Variants in TMEM209 observed in about 807,000 individuals in gnomAD.
The protein encoded by TMEM209 is testicular tissue protein Li 202.
TMEM209 carries 65 observed loss-of-function variants against 76.2 expected under a neutral mutation model. The ratio of observed to expected loss-of-function variants is 0.85; its 90% CI spans 0.70 to 1.05. The LOEUF (loss-of-function observed/expected upper bound fraction) is 1.05. Among genes scored for constraint, TMEM209 ranks in the 50% least tolerant of loss-of-function variants. The pLI, the probability that TMEM209 is intolerant of heterozygous loss-of-function variation, is 0.00. For synonymous variants in TMEM209, 239 were observed against 237.6 expected (o/e 1.01, Z -0.06); for missense variants, 623 against 685.5 (o/e 0.91, Z 1.02).
chr7:130,182,957 A>G (rs6467287), intron 8 of TMEM209, among the ~76,000 whole-genome samples: 92,492 of 151,948 alleles, frequency 0.61, 29,176 homozygotes, highest in African/African-American at 0.78. Context: ...TTGATTACTG[A>G]GTGTTAACTA....
At chr7:130,186,793 CCACCACCACAA>C (rs1797613792) in intron 6 of TMEM209, among the ~76,000 whole-genome samples, 1 of 152,008 alleles carries the variant, frequency 6.6e-6, no homozygotes, top group Non-Finnish European at 1.5e-5. Context: ...ACCACCACCA[CCACCACCACAA>C]CAACAGCACA....
intron 10 of TMEM209, among the ~76,000 whole-genome samples, chr7:130,176,620 T>C (rs1226719433): frequency 6.6e-6 from 1 of 151,990 alleles, no homozygotes; most frequent in East Asian, 1.9e-4. Flanking sequence ...AGGGATGCAT[T>C]CAGCAAAACC....
intron 6 of TMEM209, chr7:130,192,374 G>T: frequency 2.3e-6 from 1 of 443,390 alleles, no homozygotes; most frequent in East Asian, 4.3e-5. Context: ...AATAGAAATT[G>T]TAACTTACAT....
rs758361283 is a variant in TMEM209 at position 130,202,042 on chromosome 7, G to C, written c.381C>G (p.Pro127=). Residue 127 remains proline (P), a synonymous_variant, in exon 5 of 15, where the codon CCC becomes CCG. Coordinates refer to ENST00000397622, the MANE Select transcript of TMEM209 (RefSeq NM_032842.4). ...CCTGAATTGAAGGGGAAGGTGGAGCGGGAGGGATTTGGGTTGCTGCCAGAT... is the reference window on the plus strand; with the variant it reads ...CCTGAATTGAAGGGGAAGGTGGAGCCGGAGGGATTTGGGTTGCTGCCAGAT... ...PHDLAATQIP[P]APPSPSIQGQ... 6.2e-7 allele frequency: 1 copy of C among 1,613,900 alleles called. No individual in the cohort carries two copies. The highest frequency in any genetic ancestry group is 8.5e-7 in the Non-Finnish European group (1 of 1,179,890).
rs536176063 is a variant in TMEM209 at position 130,166,407 on chromosome 7, G to C, written c.*44C>G. On this transcript the variant is annotated 3_prime_UTR_variant, in exon 15 of 15. Coordinates refer to ENST00000397622, the MANE Select transcript of TMEM209 (RefSeq NM_032842.4). ...CAGAGATGTTTAGTTTCGACTTCTG[G>C]TTCAGTGAAATAGTCTAAATGTCAG... is the stretch of plus-strand genomic sequence containing the variant. The C allele has an allele frequency of 6.7e-7, 1 of 1,489,632 alleles. No individual in the cohort carries two copies. The highest frequency in any genetic ancestry group is 2.5e-5 in the East Asian group (1 of 39,742). The allele number at this position is 1,489,632 out of a possible 1,614,324, so 92.3% of individuals were successfully genotyped here. A position where few individuals can be genotyped will look rare whatever the true frequency, so the allele number is the denominator to read the frequency against.
intron 6 of TMEM209, among the ~76,000 whole-genome samples, chr7:130,191,261 A>T (rs1383529194): frequency 6.6e-6 from 1 of 151,752 alleles, no homozygotes; most frequent in Non-Finnish European, 1.5e-5. Context: ...CCAGAATGAT[A>T]TTCACAATTC....
At chr7:130,200,497 T>C (rs1194402268) in intron 5 of TMEM209, among the ~76,000 whole-genome samples, 1 of 152,148 alleles carries the variant, frequency 6.6e-6, no homozygotes, top group Non-Finnish European at 1.5e-5. Context: ...CATTAAAAAG[T>C]TTTTTTATAA....
At chr7:130,184,112 A>G (rs1797513941) in intron 8 of TMEM209, 72 bp downstream of exon 8, 9 of 1,047,818 alleles carry the variant, frequency 8.6e-6, no homozygotes, top group African/African-American at 1.6e-5. Context: ...TGAACTCTAA[A>G]TGATATTCTA....
chr7:130,188,363 A>G (rs544743364), intron 6 of TMEM209, among the ~76,000 whole-genome samples: 134 of 152,192 alleles, frequency 8.8e-4, no homozygotes, highest in African/African-American at 2.3e-3. Context: ...TTGGGAGGCC[A>G]AGGCGGGCGG....
At chr7:130,187,191 C>T (rs777554305) in intron 6 of TMEM209, among the ~76,000 whole-genome samples, 3 of 151,126 alleles carry the variant, frequency 2.0e-5, no homozygotes, top group Non-Finnish European at 2.9e-5. Context: ...TTCAGTGAGC[C>T]GAGATCACCC....
At chr7:130,187,410 T>C (rs529494449) in intron 6 of TMEM209, among the ~76,000 whole-genome samples, 2 of 152,154 alleles carry the variant, frequency 1.3e-5, no homozygotes, top group African/African-American at 2.4e-5. Flanking sequence ...CTCTAGAGAA[T>C]TTTGTAGGCC....
At chr7:130,179,230 A>G (rs1299016064) in intron 9 of TMEM209, among the ~76,000 whole-genome samples, 1 of 152,140 alleles carries the variant, frequency 6.6e-6, no homozygotes, top group Non-Finnish European at 1.5e-5. Context: ...TAGGCACTCA[A>G]TGTCGAAGGA....
At chr7:130,170,124 G>A (rs749076528) in intron 14 of TMEM209, among the ~76,000 whole-genome samples, 2 of 152,134 alleles carry the variant, frequency 1.3e-5, no homozygotes, top group Non-Finnish European at 2.9e-5. Context: ...GTTTTTAAAC[G>A]GCAAGAGTCT....
chr7:130,201,663 A>G (rs1798204959), intron 5 of TMEM209, 187 bp downstream of exon 5: 1 of 726,320 alleles, frequency 1.4e-6, no homozygotes, highest in Admixed American at 3.1e-5. Context: ...TGTAAATGCT[A>G]ATTTTTTCTC....
At chr7:130,178,210 A>C (rs1797302451) in intron 10 of TMEM209, among the ~76,000 whole-genome samples, 192 bp downstream of exon 10, 1 of 152,234 alleles carries the variant, frequency 6.6e-6, no homozygotes, top group Non-Finnish European at 1.5e-5. Flanking sequence ...GAAATGAGTG[A>C]AATAGTCACT....
At chr7:130,171,042 G>A (rs116328574) in intron 13 of TMEM209, among the ~76,000 whole-genome samples, 2,054 of 151,998 alleles carry the variant, frequency 0.014, 41 homozygotes, top group African/African-American at 0.047. Flanking sequence ...GAGCAGAAAG[G>A]TAACATACTG....
chr7:130,192,521 C>A, intron 6 of TMEM209, 101 bp downstream of exon 6: 1 of 996,252 alleles, frequency 1.0e-6, no homozygotes, highest in South Asian at 1.5e-5. Flanking sequence ...ACATGCTAAG[C>A]TAATAAAGTA....
At chr7:130,187,088 C>A (rs1025656330) in intron 6 of TMEM209, among the ~76,000 whole-genome samples, 3 of 151,736 alleles carry the variant, frequency 2.0e-5, no homozygotes, top group Non-Finnish European at 4.4e-5. Flanking sequence ...ACTAAAAATA[C>A]AAAAATTAGC....
At chr7:130,193,526 C>T (rs985152205) in intron 5 of TMEM209, among the ~76,000 whole-genome samples, 19 of 149,916 alleles carry the variant, frequency 1.3e-4, no homozygotes, top group South Asian at 8.4e-4. Flanking sequence ...ACAATAAAAG[C>T]GAAACTCCAT....
Sources: gnomAD v4.1 joint callset for allele counts (sites outside exome capture counted in the v4.1 genomes callset) on GRCh38, gnomAD v4.1.1 for gene constraint, MANE v1.5 for transcripts, NCBI Gene and HGNC (gene_info 2026-07-23, HGNC 2026-07-21) for gene names.